Variants in HELLS observed in about 807,000 individuals in gnomAD.
HELLS encodes helicase, lymphoid specific, also known as lymphoid-specific helicase.
HELLS carries 32 observed loss-of-function variants against 120.0 expected under a neutral mutation model. The observed-to-expected ratio is 0.27, with a 90% confidence interval of 0.20 to 0.36. The LOEUF (loss-of-function observed/expected upper bound fraction) is 0.36. HELLS is among the 10% of genes least tolerant of loss of function. The pLI is 1.00. For synonymous variants in HELLS, 341 were observed against 323.4 expected, an observed-to-expected ratio of 1.05 and a Z score of -0.58; for missense variants, 650 against 993.4, an observed-to-expected ratio of 0.65 and a Z score of 4.65.
chr10:94,549,852 A>C (rs1315421248), intron 2 of HELLS, among the ~76,000 whole-genome samples: 1 of 152,226 alleles, frequency 6.6e-6, no homozygotes, highest in African/African-American at 2.4e-5. Context: ...CTTACATGGT[A>C]TTATTTTAAT....
At chr10:94,577,910 A>G (rs1844585759) in intron 10 of HELLS, among the ~76,000 whole-genome samples, 1 of 152,130 alleles carries the variant, frequency 6.6e-6, no homozygotes, top group Non-Finnish European at 1.5e-5. Context: ...AAATTACAAA[A>G]AAATTAGCCG....
At chr10:94,572,234 A>T (rs989894864) in intron 7 of HELLS, among the ~76,000 whole-genome samples, 2 of 152,000 alleles carry the variant, frequency 1.3e-5, no homozygotes, top group African/African-American at 4.8e-5. Context: ...AATCTTCTGT[A>T]ATTTACTATG....
At chr10:94,571,359 A>C (rs374976469) in intron 6 of HELLS, 29 bp from the exon 7 acceptor site, 1 of 1,416,256 alleles carries the variant, frequency 7.1e-7, no homozygotes, top group Admixed American at 1.9e-5. Context: ...ATACATTATT[A>C]ATTTGTTTTT....
chr10:94,588,813 A>G (rs1349418528), intron 13 of HELLS, among the ~76,000 whole-genome samples: 2 of 152,156 alleles, frequency 1.3e-5, no homozygotes, highest in East Asian at 3.9e-4. Context: ...GTTAAGTGAT[A>G]ATCTTTGTAT....
At chr10:94,591,952 A>G (rs1030642323) in intron 15 of HELLS, among the ~76,000 whole-genome samples, 1 of 152,222 alleles carries the variant, frequency 6.6e-6, no homozygotes, top group Non-Finnish European at 1.5e-5. Context: ...TAAGTTTGAC[A>G]TAATTGTTTT....
At chr10:94,586,845 C>T (rs1220903130) in intron 12 of HELLS, among the ~76,000 whole-genome samples, 1 of 152,022 alleles carries the variant, frequency 6.6e-6, no homozygotes, top group Admixed American at 6.6e-5. Flanking sequence ...AATCCCGCCA[C>T]CACGCCTGAC....
intron 18 of HELLS, 32 bp downstream of exon 18, chr10:94,593,647 A>T (rs1845599376): frequency 1.6e-6 from 2 of 1,250,466 alleles, no homozygotes; most frequent in African/African-American, 1.5e-5. Context: ...GAATATGCTG[A>T]TTATATTTCC....
At chr10:94,558,751 G>T (rs184649132) in intron 4 of HELLS, among the ~76,000 whole-genome samples, 5 of 152,122 alleles carry the variant, frequency 3.3e-5, no homozygotes, top group Admixed American at 6.5e-5. Context: ...ACAGGCGCCC[G>T]CCACCATGCC....
intron 13 of HELLS, 105 bp from the exon 14 acceptor site, chr10:94,590,308 T>G (rs1302473518): frequency 2.1e-6 from 2 of 941,100 alleles, no homozygotes; most frequent in East Asian, 5.1e-5. Flanking sequence ...TGTATTTGTC[T>G]ATAGATTGTC....
intron 1 of HELLS, among the ~76,000 whole-genome samples, chr10:94,546,157 A>G (rs1003324432): frequency 2.6e-5 from 4 of 152,188 alleles, no homozygotes; most frequent in African/African-American, 4.8e-5. Context: ...CACATAGGCA[A>G]CTGCATTTTC....
chr10:94,565,408 G>T (rs1157316260), intron 6 of HELLS, among the ~76,000 whole-genome samples: 2 of 152,114 alleles, frequency 1.3e-5, no homozygotes, highest in Admixed American at 6.6e-5. Flanking sequence ...ACACTTTTAG[G>T]CTGGGCGTGG....
intron 11 of HELLS, among the ~76,000 whole-genome samples, chr10:94,582,469 G>T (rs1844919921): frequency 6.6e-6 from 1 of 152,002 alleles, no homozygotes; most frequent in African/African-American, 2.4e-5. Context: ...TAATCTGCAT[G>T]CTCATACTTA....
At chr10:94,577,654 T>C (rs937110352) in intron 10 of HELLS, 1 of 152,324 alleles carries the variant, frequency 6.6e-6, no homozygotes, top group African/African-American at 2.4e-5. Flanking sequence ...AGGCCGGGCA[T>C]GAAGGCTTAT....
intron 3 of HELLS, among the ~76,000 whole-genome samples, chr10:94,556,888 T>C (rs1401916029): frequency 1.3e-5 from 2 of 152,228 alleles, no homozygotes; most frequent in African/African-American, 4.8e-5. Context: ...TGTAAGCAAT[T>C]TGACTGCCTC....
chr10:94,579,603 A>T (rs1220326780), intron 10 of HELLS, among the ~76,000 whole-genome samples: 1 of 151,096 alleles, frequency 6.6e-6, no homozygotes, highest in Admixed American at 6.6e-5. Flanking sequence ...GTCCTGTGGC[A>T]CGATCTCAGC....
At chr10:94,602,283 G>A (rs1444436016), downstream of HELLS, among the ~76,000 whole-genome samples, 2 of 152,248 alleles carry the variant, frequency 1.3e-5, no homozygotes, top group East Asian at 3.9e-4. Flanking sequence ...AAACTTTAGG[G>A]TCTTGAGAAA....
chr10:94,601,216 ATAT>A (rs1441042211), intron 21 of HELLS, among the ~76,000 whole-genome samples: 17 of 152,248 alleles, frequency 1.1e-4, no homozygotes, highest in Admixed American at 1.0e-3. Context: ...ATTCAAATTG[ATAT>A]TATTTATTGC....
intron 3 of HELLS, among the ~76,000 whole-genome samples, chr10:94,556,066 C>A (rs149586400): frequency 6.6e-6 from 1 of 152,174 alleles, no homozygotes; most frequent in Non-Finnish European, 1.5e-5. Context: ...ACAGGTAAGG[C>A]GACTTGGGCC....
intron 9 of HELLS, among the ~76,000 whole-genome samples, chr10:94,575,780 TG>T (rs1345070515): frequency 1.5e-5 from 1 of 65,830 alleles, no homozygotes; most frequent in Non-Finnish European, 3.6e-5. Flanking sequence ...TTTGTGTGTG[TG>T]TGTGTGTGTG....
Sources: gnomAD v4.1 joint callset for allele counts (sites outside exome capture counted in the v4.1 genomes callset) on GRCh38, gnomAD v4.1.1 for gene constraint, MANE v1.5 for transcripts, NCBI Gene and HGNC (gene_info 2026-07-23, HGNC 2026-07-21) for gene names.